Variants in HGD observed in about 807,000 individuals in gnomAD.
HGD encodes the protein homogentisate oxidase.
A neutral mutation model predicts 60.8 loss-of-function variants in HGD; 61 were observed. That is an observed-to-expected ratio of 1.00 (90% CI 0.82 to 1.24). The LOEUF (loss-of-function observed/expected upper bound fraction) is 1.24. Ranked by LOEUF, HGD falls within the 50% of genes most tolerant of loss-of-function variation. The probability of loss-of-function intolerance (pLI) is 0.00; values close to 1 mark genes in which losing one functional copy is unlikely to be tolerated. For synonymous variants in HGD, 212 were observed against 187.7 expected, an observed-to-expected ratio of 1.13 and a Z score of -1.06; for missense variants, 542 against 547.1, an observed-to-expected ratio of 0.99 and a Z score of 0.09.
intron 10 of HGD, among the ~76,000 whole-genome samples, chr3:120,643,417 C>A (rs995794618): frequency 1.3e-5 from 2 of 152,306 alleles, no homozygotes; most frequent in East Asian, 3.9e-4. Flanking sequence ...AGCCACCATG[C>A]CCAGCCTAGG....
In HGD at chr3:120,633,285, A is replaced by C; in HGVS notation, c.1050T>G (p.Tyr350Ter). ...GCAGGAACCCACCTTGCTTTGCCTCATAGTGACCTCGGATGAGTCCCATGA... is the reference window on the plus strand; with the variant it reads ...GCAGGAACCCACCTTGCTTTGCCTCCTAGTGACCTCGGATGAGTCCCATGA... ...SEFMGLIRGHYEAKQGGFLPG... is the reference protein window; with the variant it reads ...SEFMGLIRGH Residue 350 changes from tyrosine to a stop codon, truncating the protein, a stop_gained, in exon 13 of 14, where the codon TAT becomes TAG. Coordinates refer to ENST00000283871, the MANE Select transcript of HGD (RefSeq NM_000187.4). LOFTEE classifies it high-confidence loss of function. The C allele has an allele frequency of 6.2e-7, 1 of 1,614,152 alleles. No homozygotes were observed. Among genetic ancestry groups the C allele is most frequent in the South Asian group, 1.1e-5 (1 of 91,070 alleles).
At chr3:120,670,372 T>C (rs1368407806) in intron 4 of HGD, 55 bp downstream of exon 4, 3 of 864,244 alleles carry the variant, frequency 3.5e-6, no homozygotes, top group Non-Finnish European at 6.1e-6. Context: ...TATTTAGGTA[T>C]TTCTAGTCAA....
chr3:120,644,686 A>G lies in HGD; in HGVS notation c.650-243T>C, dbSNP rs1941105395. 3.0e-6 allele frequency: 4 copies of G among 1,340,296 alleles called. No homozygotes were observed. In the Admixed American group the frequency reaches 8.2e-5, roughly 28 times the overall value. 83.0% of individuals were successfully genotyped at this position (1,340,296 alleles called of 1,614,324 possible). A position where few individuals can be genotyped will look rare whatever the true frequency, so the allele number is the denominator to read the frequency against. ...AGGTTGTGGAGTGACTATGGTTAAC[A>G]AAACAATCTTATATGCATTATCTTA... On this transcript the variant is annotated intron_variant, in intron 9 of 13. Coordinates refer to ENST00000283871, the MANE Select transcript of HGD (RefSeq NM_000187.4).
chr3:120,676,013 T>C, intron 1 of HGD, 150 bp from the exon 2 acceptor site: 2 of 720,258 alleles, frequency 2.8e-6, no homozygotes, highest in South Asian at 1.5e-5. Context: ...TCTTGACATA[T>C]GAATCATTTA....
At chr3:120,640,865 T>G (rs901747872) in intron 11 of HGD, among the ~76,000 whole-genome samples, 1 of 152,134 alleles carries the variant, frequency 6.6e-6, no homozygotes, top group African/African-American at 2.4e-5. Flanking sequence ...TGCCTCTGAG[T>G]CTCTGACTTC....
intron 5 of HGD, among the ~76,000 whole-genome samples, chr3:120,652,226 A>G (rs1039770691): frequency 1.3e-5 from 2 of 152,008 alleles, no homozygotes; most frequent in African/African-American, 4.8e-5. Flanking sequence ...GCTTCTTTGT[A>G]ATTTTATATA....
chr3:120,663,977 T>C (rs1707838322), intron 4 of HGD, among the ~76,000 whole-genome samples: 1 of 152,190 alleles, frequency 6.6e-6, no homozygotes, highest in African/African-American at 2.4e-5. Flanking sequence ...AGTGTATTCA[T>C]AGCCTCTTCC....
intron 13 of HGD, among the ~76,000 whole-genome samples, chr3:120,632,771 T>TA (rs1940630389): frequency 6.6e-6 from 1 of 152,204 alleles, no homozygotes; most frequent in African/African-American, 2.4e-5. Context: ...TACATTTGAA[T>TA]AGTGTTGGAC....
At chr3:120,654,948 G>C (rs577337350) in intron 4 of HGD, among the ~76,000 whole-genome samples, 1 of 152,302 alleles carries the variant, frequency 6.6e-6, no homozygotes, top group East Asian at 1.9e-4. Flanking sequence ...GCATGCACCT[G>C]TAGTCCCAGC....
intron 12 of HGD, among the ~76,000 whole-genome samples, chr3:120,637,610 C>CTCTCTCTCTG (rs774160908): frequency 1.4e-5 from 2 of 141,192 alleles, no homozygotes; most frequent in African/African-American, 5.4e-5. Flanking sequence ...GTCTCTCTGT[C>CTCTCTCTCTG]TCTCTCTCTG....
intron 12 of HGD, among the ~76,000 whole-genome samples, chr3:120,638,010 C>T (rs1940837112): frequency 6.6e-6 from 1 of 152,124 alleles, no homozygotes; most frequent in South Asian, 2.1e-4. Flanking sequence ...TGAGTGAGTT[C>T]TCACTCTATG....
At chr3:120,672,268 C>A (rs997968136) in intron 3 of HGD, among the ~76,000 whole-genome samples, 1 of 152,112 alleles carries the variant, frequency 6.6e-6, no homozygotes, top group East Asian at 1.9e-4. Context: ...AGTGTGTCCT[C>A]TCTACCAGGA....
intron 13 of HGD, among the ~76,000 whole-genome samples, chr3:120,630,831 T>TACACAC (rs1232070414): frequency 2.6e-5 from 2 of 77,072 alleles, no homozygotes; most frequent in African/African-American, 1.2e-4. Flanking sequence ...TATATACACA[T>TACACAC]ACACACACAC....
chr3:120,629,153 G>A (rs1274882161), intron 13 of HGD, among the ~76,000 whole-genome samples: 1 of 152,148 alleles, frequency 6.6e-6, no homozygotes, highest in Non-Finnish European at 1.5e-5. Flanking sequence ...CTGAATGGTG[G>A]ATGTTGCACT....
At chr3:120,649,097 G>A (rs1244450615) in intron 6 of HGD, among the ~76,000 whole-genome samples, 1 of 149,764 alleles carries the variant, frequency 6.7e-6, no homozygotes, top group Non-Finnish European at 1.5e-5. Context: ...TAGTTCACAG[G>A]TCCATTCTAA....
chr3:120,637,738 T>C (rs1164088459), intron 12 of HGD, among the ~76,000 whole-genome samples: 1 of 152,148 alleles, frequency 6.6e-6, no homozygotes, highest in African/African-American at 2.4e-5. Flanking sequence ...AAAGGAAACA[T>C]CTAAAATGTG....
chr3:120,675,573 T>C (rs1368969368), intron 2 of HGD, among the ~76,000 whole-genome samples: 1 of 152,134 alleles, frequency 6.6e-6, no homozygotes, highest in Non-Finnish European at 1.5e-5. Flanking sequence ...ACCCTACAGT[T>C]AATTTCACTA....
At chr3:120,637,346 C>A (rs966353461) in intron 12 of HGD, among the ~76,000 whole-genome samples, 1 of 148,348 alleles carries the variant, frequency 6.7e-6, no homozygotes, top group Non-Finnish European at 1.5e-5. Context: ...AATAATACTA[C>A]CTGTCTCTTA....
intron 4 of HGD, among the ~76,000 whole-genome samples, chr3:120,668,943 T>G (rs2107546240): frequency 6.6e-6 from 1 of 151,668 alleles, no homozygotes; most frequent in African/African-American, 2.4e-5. Flanking sequence ...GCTCAGTCGT[T>G]TATAGCACTG....
Sources: allele counts gnomAD v4.1 joint callset (sites outside exome capture counted in the v4.1 genomes callset), GRCh38; gene constraint gnomAD v4.1.1; transcripts MANE v1.5; gene names NCBI Gene and HGNC (gene_info 2026-07-23, HGNC 2026-07-21).